Variants in COL5A2 observed in about 807,000 individuals in gnomAD.
COL5A2 encodes the protein collagen alpha-2(V) chain.
Under a neutral mutation model 208.2 loss-of-function variants are expected in COL5A2, and 23 were observed. That is an observed-to-expected ratio of 0.11 (90% CI 0.08 to 0.16). The LOEUF is 0.16. Ranked by LOEUF, COL5A2 falls within the 10% of genes least tolerant of loss-of-function variation. The pLI, the probability that COL5A2 is intolerant of heterozygous loss-of-function variation, is 1.00. For missense variants in COL5A2, 1,590 were observed against 1,956.4 expected (o/e 0.81, Z 3.53); for synonymous variants, 625 against 628.5 (o/e 0.99, Z 0.08).
intron 1 of COL5A2, among the ~76,000 whole-genome samples, chr2:189,133,702 T>G (rs1687770786): frequency 1.3e-5 from 2 of 152,054 alleles, no homozygotes; most frequent in Non-Finnish European, 2.9e-5. Flanking sequence ...CTAATGTAAA[T>G]TGAGAAGGGT....
At chr2:189,280,220 T>G in the COL5A2 span, among the ~76,000 whole-genome samples, 1 of 152,198 alleles carries the variant, frequency 6.6e-6, no homozygotes, top group African/African-American at 2.4e-5. Context: ...CTAAATGAAC[T>G]AAGACAGAAA....
In COL5A2 at chr2:189,110,462, A is replaced by T. The variant is rs376487446; in HGVS notation, c.98-13T>A. The T allele has an allele frequency of 3.9e-5, 63 of 1,602,034 alleles. No homozygotes were observed. In the African/African-American group the frequency reaches 7.2e-4, roughly 18 times the overall value. On this transcript the variant is annotated splice_polypyrimidine_tract_variant and intron_variant, in intron 1 of 53. Transcript: ENST00000374866. Reference sequence around the variant, plus strand: ...TCACCATATCCTTCTAAAATAAGAAAAGAAAGAAGAGGTTAGTAATCTGAA... The same window carrying T: ...TCACCATATCCTTCTAAAATAAGAATAGAAAGAAGAGGTTAGTAATCTGAA...
chr2:189,205,720 A>G (rs1689134008), intron 1 of COL5A2, among the ~76,000 whole-genome samples: 2 of 152,210 alleles, frequency 1.3e-5, no homozygotes, highest in African/African-American at 4.8e-5. Context: ...GGTTATCTAC[A>G]TTCATATTTT....
At chr2:189,185,982 C>T (rs1410957313) in intron 1 of COL5A2, among the ~76,000 whole-genome samples, 2 of 151,774 alleles carry the variant, frequency 1.3e-5, no homozygotes, top group Non-Finnish European at 1.5e-5. Context: ...CATCTGTGCA[C>T]ATATATGCTT....
At chr2:189,326,070 C>T in the COL5A2 span, among the ~76,000 whole-genome samples, 1 of 145,896 alleles carries the variant, frequency 6.9e-6, no homozygotes, top group African/African-American at 2.6e-5. Flanking sequence ...GCACTCCAGC[C>T]TGAGTGACAG....
intron 1 of COL5A2, among the ~76,000 whole-genome samples, chr2:189,162,157 C>T (rs1688379768): frequency 1.3e-5 from 2 of 152,228 alleles, no homozygotes; most frequent in South Asian, 4.1e-4. Flanking sequence ...GCCTCTGCCA[C>T]AGCACAGACC....
Position 189,039,476 on chromosome 2 carries a change from C to A in COL5A2, c.3721G>T (p.Asp1241Tyr). The A allele has an allele frequency of 6.2e-7, 1 of 1,614,086 alleles. No homozygotes were observed. The stretch of plus-strand genomic sequence containing the variant: ...GGAAGTGGATCTGGCATGCTTTCAT[C>A]ATAGTGCCCCATGATATCCCCAAGA... ...AALGDIMGHY[D>Y]ESMPDPLPEF... is the part of the protein sequence containing the mutation. Residue 1241 changes from aspartate (D) to tyrosine (Y), a missense_variant, in exon 51 of 54, where the codon GAT (aspartate) becomes TAT (tyrosine). Coordinates refer to ENST00000374866, the MANE Select transcript of COL5A2 (RefSeq NM_000393.5).
the COL5A2 span, among the ~76,000 whole-genome samples, chr2:189,280,612 C>G: frequency 6.6e-6 from 1 of 152,070 alleles, no homozygotes; most frequent in African/African-American, 2.4e-5. Context: ...ATTATAGCCC[C>G]AAAATGAGTA....
At chr2:189,305,870 C>G in the COL5A2 span, among the ~76,000 whole-genome samples, 2 of 152,040 alleles carry the variant, frequency 1.3e-5, no homozygotes, top group South Asian at 4.2e-4. Context: ...GTTCAACCTC[C>G]CTTCAGGGCA....
upstream of COL5A2, among the ~76,000 whole-genome samples, chr2:189,227,924 T>C (rs1689439541): frequency 6.6e-6 from 1 of 151,980 alleles, no homozygotes; most frequent in Non-Finnish European, 1.5e-5. Flanking sequence ...ATAGATCACA[T>C]ACTAGGTCAC....
At chr2:189,319,080 C>T in the COL5A2 span, among the ~76,000 whole-genome samples, 1 of 152,066 alleles carries the variant, frequency 6.6e-6, no homozygotes, top group Non-Finnish European at 1.5e-5. Flanking sequence ...AAAAAAATAA[C>T]CTTGCCTGTT....
chr2:189,330,561 T>C, the COL5A2 span, among the ~76,000 whole-genome samples: 386 of 152,304 alleles, frequency 2.5e-3, no homozygotes, highest in African/African-American at 8.7e-3. Context: ...TCTCAAAATA[T>C]AGACAGCAGG....
chr2:189,176,261 T>C (rs1396743739), intron 1 of COL5A2, among the ~76,000 whole-genome samples: 1 of 152,184 alleles, frequency 6.6e-6, no homozygotes, highest in Non-Finnish European at 1.5e-5. Context: ...GAGCCAAATA[T>C]ATACTCAGAT....
rs1686149981 is a variant in COL5A2 at position 189,066,427 on chromosome 2, G to A, written c.1526C>T (p.Pro509Leu). 6.2e-7 allele frequency: 1 copy of A among 1,614,010 alleles called. No homozygotes were observed. Among genetic ancestry groups the A allele is most frequent in the African/African-American group, 1.3e-5 (1 of 74,912 alleles). Residue 509 changes from proline (P) to leucine (L), a missense_variant, in exon 23 of 54, where the codon CCA (proline) becomes CTA (leucine). By Grantham distance (98) the Pro-to-Leu change is moderately conservative (BLOSUM62 -3). Transcript: ENST00000374866. ...TGGCCCTGGAGGACCAACTGTTCCT[G>A]GGTCACCTCTGGGACCTCTTTTGCC... Reference protein sequence around the residue: ...EEGKRGPRGDPGTVGPPGPVG... With the variant: ...EEGKRGPRGDLGTVGPPGPVG...
chr2:189,260,069 T>C, the COL5A2 span, among the ~76,000 whole-genome samples: 59 of 152,354 alleles, frequency 3.9e-4, no homozygotes, highest in African/African-American at 1.4e-3. Context: ...ATAGGCATCA[T>C]GACACTGTGT....
the COL5A2 span, among the ~76,000 whole-genome samples, chr2:189,415,558 C>A: frequency 6.6e-6 from 1 of 152,160 alleles, no homozygotes; most frequent in Non-Finnish European, 1.5e-5. Flanking sequence ...TAATTGTCAA[C>A]TTCACCTTTA....
chr2:189,067,885 A>G (rs1686187025), intron 21 of COL5A2, 130 bp downstream of exon 21: 4 of 784,048 alleles, frequency 5.1e-6, no homozygotes. Context: ...CACTTCACAA[A>G]GACTCCCATC....
intron 1 of COL5A2, among the ~76,000 whole-genome samples, chr2:189,165,557 A>G (rs2105809176): frequency 6.6e-6 from 1 of 152,330 alleles, no homozygotes; most frequent in East Asian, 1.9e-4. Flanking sequence ...TACTAATAAC[A>G]TCCACATTTC....
intron 2 of COL5A2, among the ~76,000 whole-genome samples, chr2:189,105,018 T>C (rs753585615): frequency 2.0e-5 from 3 of 151,756 alleles, no homozygotes; most frequent in Non-Finnish European, 4.4e-5. Flanking sequence ...TTCTAATCTT[T>C]TGTTATCACT....
Sources: gnomAD v4.1 joint callset for allele counts (sites outside exome capture counted in the v4.1 genomes callset) on GRCh38, gnomAD v4.1.1 for gene constraint, MANE v1.5 for transcripts, NCBI Gene and HGNC (gene_info 2026-07-23, HGNC 2026-07-21) for gene names.